RAB37: variants seen among roughly 807,000 people sequenced by gnomAD.
RAB37 encodes RAB37, member RAS oncogene family.
In RAB37, 29 loss-of-function variants were observed where a neutral mutation model predicts 33.1. The ratio of observed to expected loss-of-function variants is 0.88; its 90% CI spans 0.65 to 1.20. The LOEUF (loss-of-function observed/expected upper bound fraction) is 1.20. Among genes scored for constraint, RAB37 ranks in the 50% most tolerant of loss-of-function variants. The pLI is 0.00. For synonymous variants in RAB37, 128 were observed against 119.5 expected (o/e 1.07, Z -0.47); for missense variants, 299 against 301.1 (o/e 0.99, Z 0.05).
At chr17:74,679,977 CAAAA>C (rs11306402) in intron 1 of RAB37, among the ~76,000 whole-genome samples, 1 of 107,270 alleles carries the variant, frequency 9.3e-6, no homozygotes. Context: ...GGCTCTGTCT[CAAAA>C]AAAAAAAAAA....
chr17:74,733,141 C>A (rs180813168), upstream of RAB37, among the ~76,000 whole-genome samples: 1 of 151,734 alleles, frequency 6.6e-6, no homozygotes, highest in Non-Finnish European at 1.5e-5. Flanking sequence ...ATAAACTGTG[C>A]CTGGAGCTGC....
intron 1 of RAB37, among the ~76,000 whole-genome samples, chr17:74,740,171 A>G (rs2034577311): frequency 6.6e-6 from 1 of 151,922 alleles, no homozygotes. Context: ...AAAAAAAGAA[A>G]GAAAGAAAGA....
chr17:74,708,019 A>G (rs1357672771), intron 1 of RAB37, among the ~76,000 whole-genome samples: 1 of 151,348 alleles, frequency 6.6e-6, no homozygotes, highest in East Asian at 2.0e-4. Context: ...GTGGTGGCAC[A>G]CACCTGTAGC....
intron 1 of RAB37, among the ~76,000 whole-genome samples, chr17:74,697,404 C>T (rs2032598849): frequency 6.6e-6 from 1 of 152,146 alleles, no homozygotes; most frequent in Admixed American, 6.5e-5. Flanking sequence ...TGCTGGAGAA[C>T]ACAGAAAGCA....
chr17:74,743,002 G>A (rs991976062), intron 3 of RAB37, 127 bp from the exon 4 acceptor site: 30 of 778,500 alleles, frequency 3.9e-5, no homozygotes, highest in Middle Eastern at 3.8e-4. Flanking sequence ...GGGCTCATGA[G>A]AACCTAAAGA....
At chr17:74,735,356 A>G (rs2034460392), upstream of RAB37, among the ~76,000 whole-genome samples, 1 of 152,154 alleles carries the variant, frequency 6.6e-6, no homozygotes, top group Non-Finnish European at 1.5e-5. Context: ...CCTGTCCAAC[A>G]TGGTGAAGTT....
intron 4 of RAB37, 46 bp from the exon 5 acceptor site, chr17:74,743,242 A>G: frequency 6.2e-7 from 1 of 1,613,726 alleles, no homozygotes; most frequent in Non-Finnish European, 8.5e-7. Flanking sequence ...CCTTGGTAGC[A>G]TCCGTGCTGC....
chr17:74,695,581 A>G, intron 1 of RAB37: 1 of 1,189,440 alleles, frequency 8.4e-7, no homozygotes, highest in Non-Finnish European at 1.2e-6. Context: ...CTCCTAGGCG[A>G]GTCCTGCAGT....
intron 1 of RAB37, among the ~76,000 whole-genome samples, chr17:74,692,490 A>T (rs2143507955): frequency 6.6e-6 from 1 of 152,224 alleles, no homozygotes; most frequent in Middle Eastern, 3.4e-3. Context: ...GAAGTCAGGC[A>T]AACCCCAGGA....
At chr17:74,708,064 C>T (rs2033656188) in intron 1 of RAB37, among the ~76,000 whole-genome samples, 1 of 150,370 alleles carries the variant, frequency 6.7e-6, no homozygotes, top group Non-Finnish European at 1.5e-5. Context: ...AGGAGAATCG[C>T]TTGAACCCAG....
intron 1 of RAB37, chr17:74,704,266 G>T (rs957598234): frequency 3.5e-6 from 2 of 573,964 alleles, no homozygotes; most frequent in South Asian, 4.4e-5. Flanking sequence ...GCCTAGAAAG[G>T]CTTAATCCCG....
chr17:74,742,377 C>CCTGGGGCCCAG lies in RAB37; in HGVS notation c.246+83_246+84insTGGGGCCCAGC. The CCTGGGGCCCAG allele has an allele frequency of 8.9e-7, 1 of 1,123,108 alleles. No homozygotes were observed. The highest frequency in any genetic ancestry group is 1.4e-5 in the South Asian group (1 of 72,192). The allele number at this position is 1,123,108 out of a possible 1,614,324, so 69.6% of individuals were successfully genotyped here. A position where few individuals can be genotyped will look rare whatever the true frequency, so the allele number is the denominator to read the frequency against. On this transcript the variant is annotated intron_variant, in intron 3 of 8. Transcript: ENST00000392613. This position sits in a 1 kb window ranked among gnomAD's most constrained non-coding sequence, Gnocchi z 4.0. ...ACCCTGAACCACAGGAGGCCTGCAGCCCTGCCCTCCGCCTGGGGCAATTTC... is the reference window on the plus strand; with the variant it reads ...ACCCTGAACCACAGGAGGCCTGCAGCCTGGGGCCCAGCCTGCCCTCCGCCTGGGGCAATTTC...
chr17:74,727,180 A>G (rs1305413074), intron 1 of RAB37, among the ~76,000 whole-genome samples: 4 of 152,268 alleles, frequency 2.6e-5, no homozygotes, highest in Non-Finnish European at 2.9e-5. Context: ...TGCAAGGCAC[A>G]TACCAGCTAT....
At chr17:74,722,404 T>G (rs1356504913) in intron 1 of RAB37, among the ~76,000 whole-genome samples, 1 of 151,736 alleles carries the variant, frequency 6.6e-6, no homozygotes, top group Non-Finnish European at 1.5e-5. Context: ...CAGGCGAGAG[T>G]TGATGCTACA....
rs756818922 is a variant in RAB37, at chr17:74,742,665, G to A, written c.246+370G>A. Among the ~76,000 whole-genome samples, 88 of 149,094 alleles carry A rather than the reference G, an allele frequency of 5.9e-4. No individual in the cohort carries two copies. Among genetic ancestry groups the A allele is most frequent in the Middle Eastern group, 3.2e-3 (1 of 312 alleles). On this transcript the variant is annotated intron_variant, in intron 3 of 8. Transcript: ENST00000392613. This position sits in a 1 kb window ranked among gnomAD's most constrained non-coding sequence, Gnocchi z 4.0. ...TTTTGAGATGGAGTCTCGCTCTGTC[G>A]CCCAGGCTGGAGTGCAGTGGCACAA...
At chr17:74,727,118 AG>A (rs2034316208) in intron 1 of RAB37, among the ~76,000 whole-genome samples, 1 of 152,220 alleles carries the variant, frequency 6.6e-6, no homozygotes, top group Admixed American at 6.5e-5. Flanking sequence ...CTCTTTTCCC[AG>A]AATCTGCTTC....
Position 74,742,388 on chromosome 17 carries a change from G to T in RAB37, c.246+93G>T. ...CAGGAGGCCTGCAGCCCTGCCCTCC[G>T]CCTGGGGCAATTTCCTGTGGGGCCC... is the stretch of plus-strand genomic sequence containing the variant. On this transcript the variant is annotated intron_variant, in intron 3 of 8. Coordinates refer to ENST00000392613, the MANE Select transcript of RAB37 (RefSeq NM_001006638.3). This position sits in a 1 kb window ranked among gnomAD's most constrained non-coding sequence, Gnocchi z 4.0. The T allele has an allele frequency of 2.0e-6, 2 of 995,712 alleles. No homozygotes were observed. The highest frequency in any genetic ancestry group is 1.5e-5 in the South Asian group (1 of 66,814). The allele number at this position is 995,712 out of a possible 1,614,324, so 61.7% of individuals were successfully genotyped here. A position where few individuals can be genotyped will look rare whatever the true frequency, so the allele number is the denominator to read the frequency against.
chr17:74,721,990 T>C (rs566675452), intron 1 of RAB37, among the ~76,000 whole-genome samples: 23 of 152,018 alleles, frequency 1.5e-4, no homozygotes, highest in Non-Finnish European at 4.4e-5. Flanking sequence ...AAGCTATATA[T>C]ATGGAAAGAA....
At chr17:74,715,004 C>T (rs2034148350) in intron 1 of RAB37, among the ~76,000 whole-genome samples, 1 of 152,156 alleles carries the variant, frequency 6.6e-6, no homozygotes, top group Non-Finnish European at 1.5e-5. Context: ...TGCTTATAAT[C>T]CCAGCTACTC....
Sources: allele counts gnomAD v4.1 joint callset (sites outside exome capture counted in the v4.1 genomes callset), GRCh38; gene constraint gnomAD v4.1.1; non-coding constraint Gnocchi (gnomAD v3.1); transcripts MANE v1.5; gene names NCBI Gene and HGNC (gene_info 2026-07-23, HGNC 2026-07-21).